Variants in ING5 observed in about 807,000 individuals in gnomAD.
The protein encoded by ING5 is inhibitor of growth family member 5.
Under a neutral mutation model 37.4 loss-of-function variants are expected in ING5, and 17 were observed. The observed-to-expected ratio is 0.45, with a 90% CI of 0.31 to 0.68. The LOEUF (loss-of-function observed/expected upper bound fraction) is 0.68, where lower values mean the gene tolerates loss of function less well. ING5 is among the 30% of genes least tolerant of loss of function. The pLI is 0.05. For missense variants in ING5, 233 were observed against 311.9 expected, an observed-to-expected ratio of 0.75 and a Z score of 1.91; for synonymous variants, 123 against 116.6, an observed-to-expected ratio of 1.06 and a Z score of -0.36.
intron 5 of ING5, chr2:241,720,241 C>A: frequency 3.2e-6 from 4 of 1,231,426 alleles, no homozygotes; most frequent in Non-Finnish European, 4.0e-6. Flanking sequence ...CTCTGGAGTT[C>A]TGTGGTGCGC....
intron 2 of ING5, among the ~76,000 whole-genome samples, chr2:241,695,685 A>T (rs1157345667): frequency 6.6e-6 from 1 of 150,904 alleles, no homozygotes. Context: ...GATTCCGTCT[A>T]AAAAAAAATG....
At position 241,709,260 on chromosome 2, in the gene ING5, AC is replaced by A; in HGVS notation, c.155del (p.Thr52ArgfsTer2). 6.2e-7 allele frequency: 1 copy of A among 1,614,052 alleles called. No homozygotes were observed. Among genetic ancestry groups the A allele is most frequent in the Non-Finnish European group, 8.5e-7 (1 of 1,179,992 alleles). On this transcript the variant is annotated frameshift_variant, in exon 3 of 8. Transcript: ENST00000313552. LOFTEE classifies it high-confidence loss of function. ...CATCCTGGCTGCAGAGTACATCTCC[AC>A]GGTGAAGACGCTGTCTCCAGACCAG... ...IDILAAEYIS[T>X]VKTLSPDQRV... is the part of the protein sequence containing the mutation.
At chr2:241,712,351 C>T in intron 5 of ING5, 1 of 358,810 alleles carries the variant, frequency 2.8e-6, no homozygotes, top group Non-Finnish European at 5.1e-6. Context: ...CAGTGCCTGT[C>T]CTCTTAGCCA....
Position 241,719,983 on chromosome 2 carries a change from G to T in ING5, c.483-2956G>T, listed in dbSNP as rs933045550. On this transcript the variant is annotated intron_variant, in intron 5 of 7. Transcript: ENST00000313552. The stretch of plus-strand genomic sequence containing the variant: ...CTTCTCTGTGCCCCCAAGTGGCAGT[G>T]CTGCTCCTGTCCCATTGCAAGACGT... 4 of 1,267,476 alleles carry T rather than the reference G, an allele frequency of 3.2e-6. No homozygotes were observed. In the African/African-American group the frequency reaches 6.1e-5, roughly 19 times the overall value. The allele number at this position is 1,267,476 out of a possible 1,614,324, so 78.5% of individuals were successfully genotyped here. A position where few individuals can be genotyped will look rare whatever the true frequency, so the allele number is the denominator to read the frequency against.
chr2:241,707,658 G>A (rs1230403515), intron 2 of ING5, among the ~76,000 whole-genome samples: 3 of 152,192 alleles, frequency 2.0e-5, no homozygotes, highest in Admixed American at 6.5e-5. Context: ...CTTGACTAGG[G>A]AATACAGAGA....
upstream of ING5, among the ~76,000 whole-genome samples, chr2:241,701,463 C>T (rs377246874): frequency 3.8e-3 from 572 of 152,206 alleles, 6 homozygotes; most frequent in Admixed American, 0.021. Flanking sequence ...GAAGGGGCGG[C>T]GTTGGCGGGG....
rs1264140291 is a variant in ING5, at chr2:241,729,144, G to A, written c.*4113G>A. On this transcript the variant is annotated 3_prime_UTR_variant, in exon 8 of 8. Coordinates refer to ENST00000313552, the MANE Select transcript of ING5 (RefSeq NM_032329.6). Reference sequence around the variant, plus strand: ...CTTAAATTTTTAGTGAGCAGTGATTGGCCTTCAATACTTGTGCTGAGAGGA... The same window carrying A: ...CTTAAATTTTTAGTGAGCAGTGATTAGCCTTCAATACTTGTGCTGAGAGGA... The A allele has an allele frequency of 6.6e-6, 1 of 152,592 alleles. No homozygotes were observed. Among genetic ancestry groups the A allele is most frequent in the Non-Finnish European group, 1.5e-5 (1 of 68,046 alleles). The allele number at this position is 152,592 out of a possible 1,614,324, so 9.5% of individuals were successfully genotyped here. A position where few individuals can be genotyped will look rare whatever the true frequency, so the allele number is the denominator to read the frequency against.
upstream of ING5, chr2:241,687,084 C>G (rs1395834608): frequency 2.5e-6 from 1 of 394,642 alleles, no homozygotes; most frequent in East Asian, 3.7e-5. Flanking sequence ...GGAGGTGACG[C>G]GGCGCGGGCT....
At chr2:241,700,266 C>T (rs1333517174), upstream of ING5, among the ~76,000 whole-genome samples, 1 of 150,204 alleles carries the variant, frequency 6.7e-6, no homozygotes, top group African/African-American at 2.4e-5. Context: ...ACGCCATTCT[C>T]CTGCCTCGGC....
At chr2:241,722,365 A>G in intron 5 of ING5, 1 of 985,296 alleles carries the variant, frequency 1.0e-6, no homozygotes, top group Non-Finnish European at 1.2e-6. Context: ...AGGGACCGAG[A>G]TGAGAGTGGA....
At chr2:241,710,596 G>A (rs958159048) in intron 3 of ING5, among the ~76,000 whole-genome samples, 48 of 151,818 alleles carry the variant, frequency 3.2e-4, no homozygotes, top group African/African-American at 1.1e-3. Flanking sequence ...GCGATTCTCC[G>A]GCTTCAGCCT....
At chr2:241,688,860 G>T (rs553102364) in intron 1 of ING5, among the ~76,000 whole-genome samples, 1 of 151,714 alleles carries the variant, frequency 6.6e-6, no homozygotes, top group African/African-American at 2.4e-5. Flanking sequence ...GTGCAGTGGC[G>T]CAATCTTGGC....
At chr2:241,714,441 T>C (rs1312605847) in intron 5 of ING5, among the ~76,000 whole-genome samples, 1 of 152,204 alleles carries the variant, frequency 6.6e-6, no homozygotes, top group Non-Finnish European at 1.5e-5. Flanking sequence ...AAAAAATCTG[T>C]GTCTTTCAAG....
At chr2:241,720,897 A>G (rs746518828) in intron 5 of ING5, 1 of 985,572 alleles carries the variant, frequency 1.0e-6, no homozygotes, top group Non-Finnish European at 1.2e-6. Flanking sequence ...CGAGACTGAG[A>G]GGCCAGTGAG....
At chr2:241,687,994 G>A (rs940010762) in exon 1 of ING5, 1 of 152,180 alleles carries the variant, frequency 6.6e-6, no homozygotes, top group African/African-American at 2.4e-5. Flanking sequence ...AGTGTCCCCG[G>A]TATCTAGAAA....
chr2:241,713,245 A>G (rs995591469), intron 5 of ING5, among the ~76,000 whole-genome samples: 4 of 151,376 alleles, frequency 2.6e-5, no homozygotes, highest in African/African-American at 9.7e-5. Flanking sequence ...TTTAGTAGAG[A>G]TGGGATTTCA....
At chr2:241,687,163 T>C (rs1487351304) in exon 1 of ING5, 1 of 391,630 alleles carries the variant, frequency 2.6e-6, no homozygotes, top group Non-Finnish European at 4.5e-6. Flanking sequence ...TCCCGGACGC[T>C]GCCCGCCCAG....
intron 5 of ING5, 198 bp downstream of exon 5, chr2:241,712,269 T>G: frequency 1.9e-6 from 1 of 533,948 alleles, no homozygotes. Context: ...AGGGGCATTT[T>G]CAGTGTCGCA....
chr2:241,711,337 G>A, intron 3 of ING5, 40 bp from the exon 4 acceptor site: 1 of 1,381,828 alleles, frequency 7.2e-7, no homozygotes, highest in Non-Finnish European at 9.7e-7. Flanking sequence ...GAGGTGTTTT[G>A]GTTTTACTTT....
Sources: allele counts gnomAD v4.1 joint callset (sites outside exome capture counted in the v4.1 genomes callset), GRCh38; gene constraint gnomAD v4.1.1; transcripts MANE v1.5; gene names NCBI Gene and HGNC (gene_info 2026-07-23, HGNC 2026-07-21).